SMARCA2: variants seen among roughly 807,000 people sequenced by gnomAD.
SMARCA2 encodes the protein SWI/SNF-related matrix-associated actin-dependent regulator of chromatin subfamily A member 2.
In SMARCA2, 61 loss-of-function variants were observed where a neutral mutation model predicts 199.8. That is an observed-to-expected ratio of 0.31 (90% CI 0.25 to 0.38). SMARCA2 has a LOEUF of 0.38. Ranked by LOEUF, SMARCA2 falls within the 10% of genes least tolerant of loss-of-function variation. SMARCA2 has a pLI of 1.00. For synonymous variants in SMARCA2, 935 were observed against 732.0 expected (o/e 1.28, Z -4.48); for missense variants, 1,344 against 2,012.2 (o/e 0.67, Z 6.35).
Position 2,161,270 on chromosome 9 carries a change from G to A in SMARCA2, c.3982-416G>A, listed in dbSNP as rs891082632. Reference sequence around the variant, plus strand: ...ATGATCGTGTGGATGTATTCTTAGGGATTGTTTTTTCATAACCCACCCCTC... The same window carrying A: ...ATGATCGTGTGGATGTATTCTTAGGAATTGTTTTTTCATAACCCACCCCTC... On this transcript the variant is annotated intron_variant, in intron 27 of 33. Transcript: ENST00000349721. The surrounding 1 kb of genome is among the most constrained non-coding windows in gnomAD (Gnocchi z 4.7). 6.6e-6 allele frequency among the ~76,000 whole-genome samples: 1 copy of A among 152,158 alleles called. No homozygotes were observed. The highest frequency in any genetic ancestry group is 1.5e-5 in the Non-Finnish European group (1 of 68,026).
chr9:2,122,429 T>C (rs1020864415), intron 26 of SMARCA2, among the ~76,000 whole-genome samples: 1 of 152,190 alleles, frequency 6.6e-6, no homozygotes, highest in Non-Finnish European at 1.5e-5. Flanking sequence ...GTGCCAGTTA[T>C]GAAGGTTTGG....
At chr9:2,085,889 C>G (rs2130482483) in intron 17 of SMARCA2, 1 of 152,270 alleles carries the variant, frequency 6.6e-6, no homozygotes, top group African/African-American at 2.4e-5. Context: ...TGGAACATTC[C>G]TCATTGTTCT....
intron 23 of SMARCA2, among the ~76,000 whole-genome samples, chr9:2,105,802 C>A (rs938876666): frequency 4.6e-5 from 7 of 152,246 alleles, no homozygotes; most frequent in African/African-American, 1.4e-4. Context: ...GCTGTATTTT[C>A]CCCTGAACTG....
At chr9:2,121,272 T>C (rs2130618064) in intron 26 of SMARCA2, among the ~76,000 whole-genome samples, 1 of 152,328 alleles carries the variant, frequency 6.6e-6, no homozygotes, top group African/African-American at 2.4e-5. Flanking sequence ...TTCTTTTAAT[T>C]TGGGACTATT....
In SMARCA2 at chr9:2,070,414, G is replaced by T. The variant is rs1218298859; in HGVS notation, c.1693-4G>T. On this transcript the variant is annotated splice_region_variant and splice_polypyrimidine_tract_variant and intron_variant, in intron 9 of 33. Transcript: ENST00000349721. ...TTATAACATTCGACATTGTTGTTTT[G>T]CAGAAGGCTGAGGAGAATGCAGAGG... The T allele has an allele frequency of 6.2e-7, 1 of 1,613,524 alleles. No homozygotes were observed. Among genetic ancestry groups the T allele is most frequent in the South Asian group, 1.1e-5 (1 of 91,044 alleles).
At position 2,170,392 on chromosome 9, in the gene SMARCA2, T is replaced by C. The variant is rs1353507217; in HGVS notation, c.4200-27T>C. The stretch of plus-strand genomic sequence containing the variant: ...GGGACGAGAACCCAGGTCTTCTGAC[T>C]CTAGTGTTCTTTCTACTCTACCGCA... On this transcript the variant is annotated intron_variant, in intron 28 of 33. Coordinates refer to ENST00000349721, the MANE Select transcript of SMARCA2 (RefSeq NM_003070.5). The surrounding 1 kb of genome is among the most constrained non-coding windows in gnomAD (Gnocchi z 4.7). 3 of 1,613,924 alleles carry C rather than the reference T, an allele frequency of 1.9e-6. No individual in the cohort carries two copies. The highest frequency in any genetic ancestry group is 2.5e-6 in the Non-Finnish European group (3 of 1,179,878).
Position 2,039,443 on chromosome 9 carries a change from T to G in SMARCA2, c.356-23T>G. 1 of 1,599,196 alleles carries G rather than the reference T, an allele frequency of 6.3e-7. No individual in the cohort carries two copies. The highest frequency in any genetic ancestry group is 8.5e-7 in the Non-Finnish European group (1 of 1,170,614). The stretch of plus-strand genomic sequence containing the variant: ...CAGGGTTGTCAGGGGCAGCCTGTGA[T>G]TTCCTTTTGTGTTTTATTTTAGGTT... On this transcript the variant is annotated intron_variant, in intron 3 of 33. Coordinates refer to ENST00000349721, the MANE Select transcript of SMARCA2 (RefSeq NM_003070.5). The surrounding 1 kb of genome is among the most constrained non-coding windows in gnomAD (Gnocchi z 4.8).
intron 29 of SMARCA2, among the ~76,000 whole-genome samples, chr9:2,176,937 A>G (rs1007309297): frequency 3.9e-5 from 6 of 152,092 alleles, no homozygotes; most frequent in African/African-American, 1.4e-4. Flanking sequence ...CTCTTGCTTC[A>G]AGGGTCTAGG....
intron 1 of SMARCA2, among the ~76,000 whole-genome samples, chr9:2,023,726 C>T (rs908151417): frequency 6.6e-6 from 1 of 152,208 alleles, no homozygotes. Context: ...ACCCACCCCG[C>T]ACTGCTTCCC....
intron 28 of SMARCA2, among the ~76,000 whole-genome samples, chr9:2,165,954 G>A (rs1225123967): frequency 6.6e-6 from 1 of 152,158 alleles, no homozygotes; most frequent in African/African-American, 2.4e-5. Context: ...CCTCCATGTG[G>A]ACACTGCAGT....
chr9:2,155,152 T>C (rs955702607), intron 27 of SMARCA2, among the ~76,000 whole-genome samples: 1 of 152,240 alleles, frequency 6.6e-6, no homozygotes, highest in African/African-American at 2.4e-5. Context: ...AGACGTTTTG[T>C]GGGCCAACCT....
intron 27 of SMARCA2, chr9:2,158,973 A>C (rs746415786): frequency 6.2e-7 from 1 of 1,612,328 alleles, no homozygotes; most frequent in South Asian, 1.1e-5. Context: ...TTTGAGGGGA[A>C]TAATGGTCAG....
At chr9:2,069,504 A>G (rs1054197719) in intron 9 of SMARCA2, among the ~76,000 whole-genome samples, 2 of 151,206 alleles carry the variant, frequency 1.3e-5, no homozygotes, top group African/African-American at 4.9e-5. Context: ...GCTTGCAGTG[A>G]GCCGAGATCG....
intron 27 of SMARCA2, among the ~76,000 whole-genome samples, chr9:2,137,661 T>C (rs1586743153): frequency 6.6e-6 from 1 of 152,248 alleles, no homozygotes; most frequent in Non-Finnish European, 1.5e-5. Context: ...GTTATCTTAC[T>C]GTTCCTCTCC....
chr9:2,187,631 C>A (rs1303047121), intron 32 of SMARCA2, among the ~76,000 whole-genome samples: 1 of 151,970 alleles, frequency 6.6e-6, no homozygotes, highest in East Asian at 1.9e-4. Flanking sequence ...GAGCTATGAT[C>A]ATACCGCTGC....
Position 2,169,840 on chromosome 9 carries a change from C to A in SMARCA2, c.4200-579C>A, listed in dbSNP as rs1826147222. ...AAGACGCCAGGTGGTGGTTTATTTT[C>A]ATTTCCCACTAAAGATCATGAATTC... On this transcript the variant is annotated intron_variant, in intron 28 of 33. Transcript: ENST00000349721. This position sits in a 1 kb window ranked among gnomAD's most constrained non-coding sequence, Gnocchi z 6.5. Among the ~76,000 whole-genome samples, 1 of 152,190 alleles carries A rather than the reference C, an allele frequency of 6.6e-6. No homozygotes were observed. The highest frequency in any genetic ancestry group is 2.1e-4 in the South Asian group (1 of 4,826).
At chr9:2,151,102 C>T (rs1210666793) in intron 27 of SMARCA2, among the ~76,000 whole-genome samples, 1 of 151,452 alleles carries the variant, frequency 6.6e-6, no homozygotes, top group East Asian at 1.9e-4. Context: ...TTGGGGCTAA[C>T]TTCACAAATC....
rs140136171 is a variant in SMARCA2, at chr9:2,030,268, C to T, written c.225+1021C>T. Among the ~76,000 whole-genome samples, 359 of 152,276 alleles carry T rather than the reference C, an allele frequency of 2.4e-3. 6 individuals are homozygous for T. The highest frequency in any genetic ancestry group is 8.3e-3 in the African/African-American group (346 of 41,542). On this transcript the variant is annotated intron_variant, in intron 2 of 33. Transcript: ENST00000349721. ...TGGAAGCTGAGAGTTCTATTATCTG[C>T]AGTCACCAATCTGGATACCCAGCAG... is the stretch of plus-strand genomic sequence containing the variant.
Position 2,086,727 on chromosome 9 carries a change from C to A in SMARCA2, c.2527-102C>A. On this transcript the variant is annotated intron_variant, in intron 17 of 33. Transcript: ENST00000349721. The surrounding 1 kb of genome is among the most constrained non-coding windows in gnomAD (Gnocchi z 4.3). ...AAAGGTAATCACAGCATATCATATA[C>A]CAAGGATGGGTTCTTTGGTTTTCCG... 1 of 1,305,822 alleles carries A rather than the reference C, an allele frequency of 7.7e-7. No homozygotes were observed. Among genetic ancestry groups the A allele is most frequent in the Non-Finnish European group, 1.1e-6 (1 of 927,154 alleles). 80.9% of individuals were successfully genotyped at this position (1,305,822 alleles called of 1,614,324 possible).
Sources: gnomAD v4.1 joint callset for allele counts (sites outside exome capture counted in the v4.1 genomes callset) on GRCh38, gnomAD v4.1.1 for gene constraint, Gnocchi (gnomAD v3.1) non-coding constraint, MANE v1.5 for transcripts, NCBI Gene and HGNC (gene_info 2026-07-23, HGNC 2026-07-21) for gene names.